The following OTULIN variants were observed in gnomAD, a reference collection of about 807,000 sequenced individuals.
The protein encoded by OTULIN is ubiquitin thioesterase otulin.
Under a neutral mutation model 39.6 loss-of-function variants are expected in OTULIN, and 15 were observed. That is an observed-to-expected ratio of 0.38 (90% CI 0.25 to 0.58). OTULIN has a LOEUF of 0.58. Ranked by LOEUF, OTULIN falls within the 20% of genes least tolerant of loss-of-function variation. The pLI is 0.66. For synonymous variants in OTULIN, 156 were observed against 170.3 expected (o/e 0.92, Z 0.65); for missense variants, 319 against 445.9 (o/e 0.72, Z 2.56).
chr5:14,713,488 G>A, the OTULIN span: 1 of 1,608,480 alleles, frequency 6.2e-7, no homozygotes, highest in Non-Finnish European at 8.5e-7. This position sits in a 1 kb window ranked among gnomAD's most constrained non-coding sequence, Gnocchi z 4.4. Flanking sequence ...TAAACCTCTG[G>A]ACACAGTATT....
At chr5:14,666,877 G>C (rs1735861598) in intron 1 of OTULIN, among the ~76,000 whole-genome samples, 2 of 152,188 alleles carry the variant, frequency 1.3e-5, no homozygotes, top group Non-Finnish European at 2.9e-5. Flanking sequence ...AGAGAAACTA[G>C]TACAGTTGTC....
chr5:14,715,720 C>G, the OTULIN span, among the ~76,000 whole-genome samples: 1 of 152,276 alleles, frequency 6.6e-6, no homozygotes, highest in East Asian at 1.9e-4. Context: ...CAGACATACA[C>G]GTGCTACATA....
chr5:14,697,826 A>T lies in OTULIN; in HGVS notation c.*4778A>T, dbSNP rs1311659924. 6.6e-6 allele frequency: 1 copy of T among 152,218 alleles called. No homozygotes were observed. The highest frequency in any genetic ancestry group is 1.9e-4 in the East Asian group (1 of 5,188). The allele number at this position is 152,218 out of a possible 1,614,324, so 9.4% of individuals were successfully genotyped here. On this transcript the variant is annotated 3_prime_UTR_variant, in exon 7 of 7. Coordinates refer to ENST00000284274, the MANE Select transcript of OTULIN (RefSeq NM_138348.6). ...AGTACAAGGAAGGGACACAGGGCTT[A>T]AAATGTCCACAGTCTTGGCAGTGGA... is the stretch of plus-strand genomic sequence containing the variant.
intron 4 of OTULIN, among the ~76,000 whole-genome samples, chr5:14,683,258 A>G (rs531475708): frequency 1.3e-5 from 2 of 152,206 alleles, no homozygotes; most frequent in African/African-American, 4.8e-5. Flanking sequence ...TGGGGAGTCT[A>G]TTAAAAAAAA....
rs1415517590 is a variant in OTULIN at position 14,698,145 on chromosome 5, T to C, written c.*5097T>C. 2.0e-5 allele frequency: 3 copies of C among 152,232 alleles called. No individual in the cohort carries two copies. The highest frequency in any genetic ancestry group is 7.2e-5 in the African/African-American group (3 of 41,462). 9.4% of individuals were successfully genotyped at this position (152,232 alleles called of 1,614,324 possible). ...TATTTTGGTATTGTTGCCTGCATTT[T>C]AGCCACTTCTAACTTTTTGTATTAT... On this transcript the variant is annotated 3_prime_UTR_variant, in exon 7 of 7. Coordinates refer to ENST00000284274, the MANE Select transcript of OTULIN (RefSeq NM_138348.6).
At chr5:14,711,942 T>C in the OTULIN span, among the ~76,000 whole-genome samples, 227 of 152,342 alleles carry the variant, frequency 1.5e-3, no homozygotes, top group African/African-American at 5.2e-3. Flanking sequence ...TTGTCCTCTG[T>C]CTGCCAACCC....
At chr5:14,701,270 A>G (rs1250219369), downstream of OTULIN, among the ~76,000 whole-genome samples, 7 of 152,222 alleles carry the variant, frequency 4.6e-5, no homozygotes, top group Admixed American at 2.0e-4. Flanking sequence ...GCTCGTAGGA[A>G]GCCAGTGATA....
intron 2 of OTULIN, among the ~76,000 whole-genome samples, chr5:14,678,219 T>G: frequency 6.6e-6 from 1 of 152,220 alleles, no homozygotes; most frequent in African/African-American, 2.4e-5. Context: ...GGAGCAGCTC[T>G]GCAGGTGCGG....
chr5:14,676,514 C>T (rs1241916765), intron 2 of OTULIN, among the ~76,000 whole-genome samples: 3 of 152,232 alleles, frequency 2.0e-5, no homozygotes, highest in Admixed American at 2.0e-4. Flanking sequence ...CACTACGCTA[C>T]GTAGGCCTCT....
Position 14,695,487 on chromosome 5 carries a change from C to G in OTULIN, c.*2439C>G, listed in dbSNP as rs1174468670. 6.6e-6 allele frequency: 1 copy of G among 152,092 alleles called. No homozygotes were observed. The highest frequency in any genetic ancestry group is 1.5e-5 in the Non-Finnish European group (1 of 68,004). 9.4% of individuals were successfully genotyped at this position (152,092 alleles called of 1,614,324 possible). On this transcript the variant is annotated 3_prime_UTR_variant, in exon 7 of 7. Coordinates refer to ENST00000284274, the MANE Select transcript of OTULIN (RefSeq NM_138348.6). ...ACTATACTATGCCTAACTTTCTATC[C>G]CAGAGTGTCTTGCAAGAGTTTAGGA...
At chr5:14,677,278 A>C (rs1054291531) in intron 2 of OTULIN, among the ~76,000 whole-genome samples, 3 of 152,184 alleles carry the variant, frequency 2.0e-5, no homozygotes, top group African/African-American at 7.2e-5. Flanking sequence ...TGAGGATAGA[A>C]TCCTGTCTTC....
At chr5:14,679,488 C>T (rs190150969) in intron 3 of OTULIN, among the ~76,000 whole-genome samples, 1 of 152,262 alleles carries the variant, frequency 6.6e-6, no homozygotes, top group East Asian at 1.9e-4. Flanking sequence ...CTTCCATGAC[C>T]TCTTGAAACC....
At chr5:14,704,564 T>C (rs538461973), downstream of OTULIN, among the ~76,000 whole-genome samples, 1 of 152,238 alleles carries the variant, frequency 6.6e-6, no homozygotes, top group East Asian at 1.9e-4. Context: ...TAAAAGTAAT[T>C]TTAATGCAGA....
At chr5:14,712,352 TCA>T in the OTULIN span, among the ~76,000 whole-genome samples, 1 of 152,222 alleles carries the variant, frequency 6.6e-6, no homozygotes, top group African/African-American at 2.4e-5. Flanking sequence ...CTCCCTTTTC[TCA>T]GACAATGATG....
At chr5:14,674,336 A>T (rs1168025870) in intron 2 of OTULIN, among the ~76,000 whole-genome samples, 1 of 152,272 alleles carries the variant, frequency 6.6e-6, no homozygotes, top group Non-Finnish European at 1.5e-5. Flanking sequence ...GAGTGGCCTC[A>T]TGCAGGAGCT....
rs1481770642 is a variant in OTULIN, at chr5:14,694,365, G to C, written c.*1317G>C. On this transcript the variant is annotated 3_prime_UTR_variant, in exon 7 of 7. Coordinates refer to ENST00000284274, the MANE Select transcript of OTULIN (RefSeq NM_138348.6). ...CTTATGGCCTGAATTGTCCTCAAGG[G>C]GTGTGGACTGCAGATGGTGTTCACA... 6.6e-6 allele frequency: 1 copy of C among 152,206 alleles called. No individual in the cohort carries two copies. Among genetic ancestry groups the C allele is most frequent in the East Asian group, 1.9e-4 (1 of 5,196 alleles). The allele number at this position is 152,206 out of a possible 1,614,324, so 9.4% of individuals were successfully genotyped here. A position where few individuals can be genotyped will look rare whatever the true frequency, so the allele number is the denominator to read the frequency against.
chr5:14,706,681 T>G, the OTULIN span: 1 of 152,348 alleles, frequency 6.6e-6, no homozygotes, highest in African/African-American at 2.4e-5. Flanking sequence ...ACAGGCCCTT[T>G]TACGTTTCTC....
At chr5:14,705,737 C>A in the OTULIN span, 1 of 152,864 alleles carries the variant, frequency 6.5e-6, no homozygotes, top group Admixed American at 6.5e-5. Flanking sequence ...ACCTGCTGCA[C>A]GGTGACATGA....
intron 4 of OTULIN, among the ~76,000 whole-genome samples, chr5:14,684,794 C>G (rs933089562): frequency 1.1e-4 from 17 of 152,216 alleles, no homozygotes; most frequent in African/African-American, 4.1e-4. Context: ...GTGACCCTCC[C>G]CTTAATCTAT....
Sources: allele counts gnomAD v4.1 joint callset (sites outside exome capture counted in the v4.1 genomes callset), GRCh38; gene constraint gnomAD v4.1.1; non-coding constraint Gnocchi (gnomAD v3.1); transcripts MANE v1.5; gene names NCBI Gene and HGNC (gene_info 2026-07-23, HGNC 2026-07-21).